The following LLGL1 variants were observed in gnomAD, a reference collection of about 807,000 sequenced individuals.
LLGL1 encodes the protein LLGL scribble cell polarity complex component 1.
In LLGL1, 58 loss-of-function variants were observed where a neutral mutation model predicts 110.6. The observed-to-expected ratio is 0.52, with a 90% CI of 0.42 to 0.65. LLGL1 has a LOEUF of 0.65. LLGL1 is among the 30% of genes least tolerant of loss of function. LLGL1 has a pLI of 0.00. For synonymous variants in LLGL1, 674 were observed against 607.2 expected (o/e 1.11, Z -1.62); for missense variants, 1,229 against 1,462.1 (o/e 0.84, Z 2.60).
chr17:18,242,000 G>A lies in LLGL1; in HGVS notation c.2882+1G>A, dbSNP rs1469872808. On this transcript the variant is annotated splice_donor_variant, in intron 19 of 22. Coordinates refer to ENST00000316843, the MANE Select transcript of LLGL1 (RefSeq NM_004140.4). LOFTEE classifies it high-confidence loss of function. The stretch of plus-strand genomic sequence containing the variant: ...GGCCCCGCGATGCCACCCAGGCCAG[G>A]TGTGTGGAGGGGCAGCTCCTAGCCT... The A allele has an allele frequency of 2.5e-6, 4 of 1,611,352 alleles. No individual in the cohort carries two copies. Among genetic ancestry groups the A allele is most frequent in the South Asian group, 1.1e-5 (1 of 91,022 alleles).
chr17:18,237,966 G>T, intron 14 of LLGL1, 101 bp from the exon 15 acceptor site: 2 of 1,426,838 alleles, frequency 1.4e-6, no homozygotes, highest in South Asian at 1.3e-5. Flanking sequence ...CGCCAGAGGG[G>T]CTGTGACTCC....
chr17:18,238,375 G>A, intron 15 of LLGL1, 81 bp from the exon 16 acceptor site: 2 of 1,567,288 alleles, frequency 1.3e-6, no homozygotes, highest in Non-Finnish European at 1.7e-6. Flanking sequence ...TAGAGGAATG[G>A]TAACAGAACG....
chr17:18,242,122 C>T (rs772841167), intron 19 of LLGL1, 44 bp from the exon 20 acceptor site: 7 of 1,572,946 alleles, frequency 4.5e-6, no homozygotes, highest in Non-Finnish European at 3.5e-6. Context: ...GTGCCAGCCT[C>T]AAGTCATCCA....
At chr17:18,228,205 A>T (rs964977868) in intron 1 of LLGL1, among the ~76,000 whole-genome samples, 3 of 152,254 alleles carry the variant, frequency 2.0e-5, no homozygotes, top group Non-Finnish European at 4.4e-5. Context: ...AGTGCTGTGG[A>T]TCAAATAAAG....
At position 18,244,498 on chromosome 17, in the gene LLGL1, C is replaced by G. The variant is rs972962280; in HGVS notation, c.*592C>G. The stretch of plus-strand genomic sequence containing the variant: ...GACCTCGTGATCCACCCACCTCAGC[C>G]TCCCAAAGTGCTGGGATTACAGGCG... On this transcript the variant is annotated 3_prime_UTR_variant, in exon 23 of 23. Coordinates refer to ENST00000316843, the MANE Select transcript of LLGL1 (RefSeq NM_004140.4). 1 of 152,148 alleles carries G rather than the reference C, an allele frequency of 6.6e-6. No homozygotes were observed. The highest frequency in any genetic ancestry group is 6.5e-5 in the Admixed American group (1 of 15,280). The allele number at this position is 152,148 out of a possible 1,614,324, so 9.4% of individuals were successfully genotyped here.
chr17:18,236,527 G>A (rs907605732), intron 11 of LLGL1, 80 bp from the exon 12 acceptor site: 5 of 1,407,264 alleles, frequency 3.6e-6, no homozygotes, highest in Non-Finnish European at 4.9e-6. Flanking sequence ...TGCTTAGTGA[G>A]TGGTTATCAG....
At chr17:18,232,437 C>T in intron 2 of LLGL1, 58 bp from the exon 3 acceptor site, 2 of 1,459,670 alleles carry the variant, frequency 1.4e-6, no homozygotes, top group South Asian at 2.5e-5. Flanking sequence ...CCTTGGGTGT[C>T]TTCCTCACTG....
In LLGL1 at chr17:18,237,510, G is replaced by A. The variant is rs373768308; in HGVS notation, c.1641G>A (p.Pro547=). 423 of 1,596,254 alleles carry A rather than the reference G, an allele frequency of 2.6e-4. No homozygotes were observed. Among genetic ancestry groups the A allele is most frequent in the Admixed American group, 8.1e-4 (48 of 59,536 alleles). ...QVLVLELSDV[P]VEQAVSVAII... ...TGGTACTGGAGCTTAGTGATGTGCC[G>A]GTGGAGCAGGCGGTCAGCGTGGCCA... The change falls in exon 14 of 23, where the codon CCG becomes CCA. Residue 547 remains proline (P), a synonymous_variant. Transcript: ENST00000316843.
At position 18,240,834 on chromosome 17, in the gene LLGL1, T is replaced by A. The variant is rs1312956357; in HGVS notation, c.2463T>A (p.Gly821=). ...TGGCGCAGGCACCTGACATGCAGGG[T>A]GGTCACGCTGTGCTCATCGCATCTG... ...RDLAQAPDMQ[G]GHAVLIASEE... The change falls in exon 17 of 23, where the codon GGT becomes GGA. Residue 821 remains glycine, a synonymous_variant. Coordinates refer to ENST00000316843, the MANE Select transcript of LLGL1 (RefSeq NM_004140.4). The surrounding 1 kb of genome is among the most constrained non-coding windows in gnomAD (Gnocchi z 5.3). The A allele has an allele frequency of 1.9e-6, 3 of 1,561,866 alleles. No homozygotes were observed. The highest frequency in any genetic ancestry group is 2.6e-6 in the Non-Finnish European group (3 of 1,150,090).
intron 1 of LLGL1, among the ~76,000 whole-genome samples, chr17:18,229,069 A>G (rs2047512390): frequency 6.6e-6 from 1 of 152,146 alleles, no homozygotes; most frequent in Non-Finnish European, 1.5e-5. Flanking sequence ...CAACAACAAG[A>G]TAAAAGGAGT....
chr17:18,229,405 G>C (rs2047520325), intron 1 of LLGL1, among the ~76,000 whole-genome samples: 1 of 152,150 alleles, frequency 6.6e-6, no homozygotes. Context: ...TGTCTGGGAG[G>C]AGTCAAAAGC....
At chr17:18,230,945 A>C (rs2047553970) in intron 2 of LLGL1, among the ~76,000 whole-genome samples, 1 of 152,124 alleles carries the variant, frequency 6.6e-6, no homozygotes, top group Admixed American at 6.5e-5. Context: ...CCATGGCCCC[A>C]GCGGCCTCTG....
Position 18,241,444 on chromosome 17 carries a change from C to A in LLGL1, c.2503-7C>A. ...AGGCTTTGTGCTCACCAGCCACCTG[C>A]TGTCAGGTGTTCACACTGCCCAAGG... On this transcript the variant is annotated splice_polypyrimidine_tract_variant and splice_region_variant and intron_variant, in intron 17 of 22. Coordinates refer to ENST00000316843, the MANE Select transcript of LLGL1 (RefSeq NM_004140.4). The A allele has an allele frequency of 6.2e-7, 1 of 1,609,480 alleles. No homozygotes were observed. The highest frequency in any genetic ancestry group is 8.5e-7 in the Non-Finnish European group (1 of 1,177,738).
Position 18,232,949 on chromosome 17 carries a change from G to T in LLGL1, c.392+147G>T, listed in dbSNP as rs1459815977. 2.9e-6 allele frequency: 3 copies of T among 1,036,950 alleles called. No homozygotes were observed. In the East Asian group the frequency reaches 7.3e-5, roughly 25 times the overall value. The allele number at this position is 1,036,950 out of a possible 1,614,324, so 64.2% of individuals were successfully genotyped here. The stretch of plus-strand genomic sequence containing the variant: ...TGGGCCTGGGTCCCAGGCTGCAGCT[G>T]TTGGACCCTGCTTTACTGAGGTATA... On this transcript the variant is annotated intron_variant, in intron 4 of 22. Coordinates refer to ENST00000316843, the MANE Select transcript of LLGL1 (RefSeq NM_004140.4).
chr17:18,235,764 G>A (rs765168078), intron 11 of LLGL1: 19 of 557,452 alleles, frequency 3.4e-5, no homozygotes, highest in African/African-American at 5.7e-5. Context: ...CCAAACCCCA[G>A]GGCTCCACCC....
intron 14 of LLGL1, 36 bp downstream of exon 14, chr17:18,237,809 C>T (rs375470531): frequency 2.5e-6 from 4 of 1,574,068 alleles, no homozygotes; most frequent in Non-Finnish European, 3.5e-6. Flanking sequence ...AGTTGGAGCC[C>T]CCAGCGAGAT....
In LLGL1 at chr17:18,233,393, G is replaced by T. The variant is rs1363709063; in HGVS notation, c.393-385G>T. On this transcript the variant is annotated intron_variant, in intron 4 of 22. Coordinates refer to ENST00000316843, the MANE Select transcript of LLGL1 (RefSeq NM_004140.4). Reference sequence around the variant, plus strand: ...CTGATGCCTCCCAGCTTCTGCAGATGGGGGTATCTGGGGCCCTCCTGCGAA... The same window carrying T: ...CTGATGCCTCCCAGCTTCTGCAGATTGGGGTATCTGGGGCCCTCCTGCGAA... 2.6e-5 allele frequency among the ~76,000 whole-genome samples: 4 copies of T among 152,164 alleles called. No homozygotes were observed. In the East Asian group the frequency reaches 7.7e-4, roughly 29 times the overall value.
rs767014581 is a variant in LLGL1 at position 18,232,575 on chromosome 17, A to G, written c.260A>G (p.Gln87Arg). The G allele has an allele frequency of 1.2e-6, 2 of 1,614,128 alleles. No individual in the cohort carries two copies. Among genetic ancestry groups the G allele is most frequent in the Non-Finnish European group, 1.7e-6 (2 of 1,179,996 alleles). Residue 87 changes from glutamine to arginine, a missense_variant and splice_region_variant, in exon 3 of 23, where the codon CAG becomes CGG. By Grantham distance (43) the Gln-to-Arg change is conservative. Coordinates refer to ENST00000316843, the MANE Select transcript of LLGL1 (RefSeq NM_004140.4). ...ACACAGATGCACTTCTTGACCGGCC[A>G]GGTGAGCCTCTGCTTCCCACTAGCC... ...TVTQMHFLTG[Q>R]GRLLSLLDDS...
Position 18,236,850 on chromosome 17 carries a change from C to G in LLGL1, c.1522C>G (p.Pro508Ala). 1 of 1,613,850 alleles carries G rather than the reference C, an allele frequency of 6.2e-7. No individual in the cohort carries two copies. Among genetic ancestry groups the G allele is most frequent in the Non-Finnish European group, 8.5e-7 (1 of 1,179,980 alleles). The change falls in exon 13 of 23, where the codon CCC becomes GCC. Residue 508 changes from proline to alanine, a missense_variant. Coordinates refer to ENST00000316843, the MANE Select transcript of LLGL1 (RefSeq NM_004140.4). ...ATCCCTCTAGGTGGGCTGCTTCGAT[C>G]CCTACAGTGACGATCCCCGGCTTGG... is the stretch of plus-strand genomic sequence containing the variant. The part of the protein sequence containing the change: ...PPFRKVGCFD[P>A]YSDDPRLGVQ...
Sources: gnomAD v4.1 joint callset for allele counts (sites outside exome capture counted in the v4.1 genomes callset) on GRCh38, gnomAD v4.1.1 for gene constraint, Gnocchi (gnomAD v3.1) non-coding constraint, MANE v1.5 for transcripts, NCBI Gene and HGNC (gene_info 2026-07-23, HGNC 2026-07-21) for gene names.